The following USP49 variants were observed in gnomAD, a reference collection of about 807,000 sequenced individuals.
USP49 encodes the protein ubiquitin specific peptidase 49.
A neutral mutation model predicts 58.6 loss-of-function variants in USP49; 24 were observed. The ratio of observed to expected loss-of-function variants is 0.41; its 90% CI spans 0.30 to 0.58. USP49 has a LOEUF of 0.58. Ranked by LOEUF, USP49 falls within the 20% of genes least tolerant of loss-of-function variation. USP49 has a pLI of 0.30. For missense variants in USP49, 703 were observed against 866.1 expected, an observed-to-expected ratio of 0.81 and a Z score of 2.36; for synonymous variants, 408 against 365.1, an observed-to-expected ratio of 1.12 and a Z score of -1.34.
intron 3 of USP49, among the ~76,000 whole-genome samples, chr6:41,836,059 C>A (rs1773721688): frequency 6.6e-6 from 1 of 152,018 alleles, no homozygotes; most frequent in South Asian, 2.1e-4. Flanking sequence ...GCCTGGGTGA[C>A]AGAGTGACAC....
intron 3 of USP49, among the ~76,000 whole-genome samples, chr6:41,815,147 G>C (rs564816639): frequency 1.3e-5 from 2 of 152,110 alleles, no homozygotes; most frequent in African/African-American, 2.4e-5. Context: ...GGGGCCGGGC[G>C]TGGTGGCTCA....
chr6:41,833,979 G>A (rs1158984372), intron 3 of USP49, among the ~76,000 whole-genome samples: 1 of 152,162 alleles, frequency 6.6e-6, no homozygotes, highest in Non-Finnish European at 1.5e-5. Flanking sequence ...TATATTAAGT[G>A]GGTCCACTTT....
intron 2 of USP49, among the ~76,000 whole-genome samples, chr6:41,888,023 G>A (rs1342683451): frequency 6.6e-6 from 1 of 150,484 alleles, no homozygotes; most frequent in African/African-American, 2.4e-5. Flanking sequence ...TATGAAAGGG[G>A]AGTGTTTTTA....
intron 2 of USP49, chr6:41,886,530 T>A (rs1332751554): frequency 6.6e-6 from 1 of 152,236 alleles, no homozygotes; most frequent in Non-Finnish European, 1.5e-5. Context: ...ATTGTCCTGA[T>A]AAGTTAATAT....
chr6:41,872,824 T>A (rs1774435674), intron 2 of USP49: 1 of 148,576 alleles, frequency 6.7e-6, no homozygotes, highest in East Asian at 2.0e-4. Context: ...GAGAATGGCG[T>A]GAACCCGGGA....
intron 3 of USP49, among the ~76,000 whole-genome samples, chr6:41,851,820 CG>C (rs1468975817): frequency 1.3e-5 from 2 of 151,150 alleles, no homozygotes; most frequent in Admixed American, 1.3e-4. Flanking sequence ...CCAGGCATTG[CG>C]GCGGGCACCT....
intron 4 of USP49, among the ~76,000 whole-genome samples, chr6:41,804,758 GGTT>G (rs1252963065): frequency 3.3e-5 from 5 of 151,612 alleles, no homozygotes; most frequent in Admixed American, 3.3e-4. Context: ...TTTGTTTTTT[GGTT>G]TTTTTTGAGA....
chr6:41,837,003 G>C (rs1191821321), intron 3 of USP49, among the ~76,000 whole-genome samples: 1 of 152,120 alleles, frequency 6.6e-6, no homozygotes, highest in African/African-American at 2.4e-5. Context: ...TGGATAAGAA[G>C]AATCAATATT....
At chr6:41,889,497 GC>G (rs1172692640) in intron 2 of USP49, among the ~76,000 whole-genome samples, 1 of 152,130 alleles carries the variant, frequency 6.6e-6, no homozygotes, top group East Asian at 1.9e-4. Flanking sequence ...TACCTCCATA[GC>G]TAGCATGTCC....
At chr6:41,885,071 T>C (rs546100363) in intron 2 of USP49, among the ~76,000 whole-genome samples, 1 of 152,338 alleles carries the variant, frequency 6.6e-6, no homozygotes, top group South Asian at 2.1e-4. Context: ...ATAAATTTTT[T>C]CTACTTTATT....
At chr6:41,851,421 G>C (rs953804920) in intron 3 of USP49, among the ~76,000 whole-genome samples, 4 of 152,118 alleles carry the variant, frequency 2.6e-5, no homozygotes, top group African/African-American at 9.7e-5. Flanking sequence ...CACTGGACAA[G>C]ATTCAACAAA....
intron 3 of USP49, among the ~76,000 whole-genome samples, chr6:41,842,513 C>T (rs1773845092): frequency 6.6e-6 from 1 of 152,046 alleles, no homozygotes; most frequent in Non-Finnish European, 1.5e-5. Context: ...AGAAGTATGG[C>T]ACAAAAGATG....
At position 41,794,503 on chromosome 6, in the gene USP49, A is replaced by T. The variant is rs1772853524; in HGVS notation, c.*2030T>A. Reference sequence around the variant, plus strand: ...TAAATATAGGATTCAATGAAAGATGAGGCACGATTCATAGTTTCCTTTCCT... The same window carrying T: ...TAAATATAGGATTCAATGAAAGATGTGGCACGATTCATAGTTTCCTTTCCT... On this transcript the variant is annotated 3_prime_UTR_variant, in exon 8 of 8. Transcript: ENST00000682992. 6.6e-6 allele frequency: 1 copy of T among 152,178 alleles called. No homozygotes were observed. The highest frequency in any genetic ancestry group is 1.5e-5 in the Non-Finnish European group (1 of 68,034). 9.4% of individuals were successfully genotyped at this position (152,178 alleles called of 1,614,324 possible).
chr6:41,889,970 G>C (rs1774782888), intron 2 of USP49, among the ~76,000 whole-genome samples: 1 of 152,152 alleles, frequency 6.6e-6, no homozygotes, highest in Non-Finnish European at 1.5e-5. Context: ...AAAATCAAGA[G>C]TCACCAAAAA....
Position 41,806,987 on chromosome 6 carries a change from T to C in USP49, c.-4A>G. ...CTACATGTTTGCATCTATCCATGTC[T>C]TATAGAAGTCGCCACTTTCTCAACC... On this transcript the variant is annotated 5_prime_UTR_variant, in exon 4 of 8. The change abolishes the stop of an existing upstream ORF in the 5' untranslated region. Coordinates refer to ENST00000682992, the MANE Select transcript of USP49 (RefSeq NM_001286554.2). The surrounding 1 kb of genome is among the most constrained non-coding windows in gnomAD (Gnocchi z 5.9). 1 of 1,497,318 alleles carries C rather than the reference T, an allele frequency of 6.7e-7. No individual in the cohort carries two copies. The highest frequency in any genetic ancestry group is 9.0e-7 in the Non-Finnish European group (1 of 1,113,514). 92.8% of individuals were successfully genotyped at this position (1,497,318 alleles called of 1,614,324 possible). A position where few individuals can be genotyped will look rare whatever the true frequency, so the allele number is the denominator to read the frequency against.
chr6:41,819,875 T>C (rs988398140), intron 3 of USP49, among the ~76,000 whole-genome samples: 2 of 152,198 alleles, frequency 1.3e-5, no homozygotes, highest in Non-Finnish European at 2.9e-5. Flanking sequence ...TACCAGGTTA[T>C]AGGAAACATA....
intron 3 of USP49, among the ~76,000 whole-genome samples, chr6:41,849,782 T>A (rs779863612): frequency 6.6e-6 from 1 of 152,058 alleles, no homozygotes; most frequent in Non-Finnish European, 1.5e-5. Context: ...TAATTTTTTG[T>A]ATTTTAGTAG....
At chr6:41,865,083 C>A (rs1430652374) in intron 3 of USP49, among the ~76,000 whole-genome samples, 1 of 151,836 alleles carries the variant, frequency 6.6e-6, no homozygotes, top group East Asian at 1.9e-4. Flanking sequence ...CTTGCTCTGT[C>A]GCCCAGGCTG....
chr6:41,856,780 G>A (rs1298963582), intron 3 of USP49, among the ~76,000 whole-genome samples: 1 of 152,196 alleles, frequency 6.6e-6, no homozygotes, highest in Admixed American at 6.5e-5. Flanking sequence ...TTTTGAGAGA[G>A]ACAGAGAAAG....
Sources: gnomAD v4.1 joint callset for allele counts (sites outside exome capture counted in the v4.1 genomes callset) on GRCh38, gnomAD v4.1.1 for gene constraint, Gnocchi (gnomAD v3.1) non-coding constraint, MANE v1.5 for transcripts, NCBI Gene and HGNC (gene_info 2026-07-23, HGNC 2026-07-21) for gene names.